KEAP1: variants seen among roughly 807,000 people sequenced by gnomAD.
The protein encoded by KEAP1 is kelch like ECH associated protein 1.
Under a neutral mutation model 59.7 loss-of-function variants are expected in KEAP1, and 26 were observed. The ratio of observed to expected loss-of-function variants is 0.44; its 90% CI spans 0.32 to 0.60. KEAP1 has a LOEUF of 0.60. Among genes scored for constraint, KEAP1 ranks in the 20% least tolerant of loss-of-function variants. The probability of loss-of-function intolerance (pLI) is 0.06; values close to 1 mark genes in which losing one functional copy is unlikely to be tolerated. For synonymous variants in KEAP1, 350 were observed against 358.3 expected (o/e 0.98, Z 0.26); for missense variants, 539 against 871.4 (o/e 0.62, Z 4.80).
chr19:10,494,952 C>T (rs1203867420), intron 2 of KEAP1, among the ~76,000 whole-genome samples: 1 of 150,146 alleles, frequency 6.7e-6, no homozygotes, highest in Non-Finnish European at 1.5e-5. Context: ...ACGCGCCCGG[C>T]CTCTTTTGTT....
intron 5 of KEAP1, 58 bp from the exon 6 acceptor site, chr19:10,486,876 G>A (rs1048499052): frequency 6.5e-7 from 1 of 1,549,278 alleles, no homozygotes; most frequent in East Asian, 2.3e-5. Flanking sequence ...AAGAGCAGGG[G>A]ACAGAAAGAG....
intron 5 of KEAP1, 49 bp downstream of exon 5, chr19:10,489,143 C>T: frequency 7.7e-7 from 1 of 1,306,064 alleles, no homozygotes; most frequent in African/African-American, 1.5e-5. Flanking sequence ...CAAAAGCAGT[C>T]CACAAAAGAT....
chr19:10,496,002 T>A (rs1461527711), intron 2 of KEAP1, among the ~76,000 whole-genome samples: 1 of 151,290 alleles, frequency 6.6e-6, no homozygotes, highest in Admixed American at 6.6e-5. Context: ...CTGGGCAACA[T>A]AGCGAGACCT....
rs746379734 is a variant in KEAP1, at chr19:10,499,419, C to T, written c.615G>A (p.Glu205=). ...CCTCCCCAAAATGCATGTAGATGTA[C>T]TCCCGGGCACGCTGGTGCAACTCCA... ...GCVELHQRAR[E]YIYMHFGEVA... Residue 205 remains glutamate, a synonymous_variant, in exon 2 of 6, where the codon GAG becomes GAA. Coordinates refer to ENST00000171111, the MANE Select transcript of KEAP1 (RefSeq NM_203500.2). This position sits in a 1 kb window ranked among gnomAD's most constrained non-coding sequence, Gnocchi z 6.7. The T allele has an allele frequency of 1.9e-6, 3 of 1,610,144 alleles. No homozygotes were observed. Among genetic ancestry groups the T allele is most frequent in the Non-Finnish European group, 1.7e-6 (2 of 1,178,458 alleles).
chr19:10,500,564 T>A (rs553716731), intron 1 of KEAP1, among the ~76,000 whole-genome samples: 79 of 151,984 alleles, frequency 5.2e-4, no homozygotes, highest in Non-Finnish European at 1.0e-3. Context: ...CTGCCAGAGC[T>A]GACAACTGCA....
intron 2 of KEAP1, 146 bp from the exon 3 acceptor site, chr19:10,492,408 T>C: frequency 1.5e-6 from 1 of 655,454 alleles, no homozygotes; most frequent in Admixed American, 2.8e-5. Flanking sequence ...AGGAACCGCG[T>C]ACATTGTGAT....
intron 2 of KEAP1, 78 bp from the exon 3 acceptor site, chr19:10,492,340 T>C (rs1369898627): frequency 1.6e-5 from 17 of 1,053,588 alleles, no homozygotes; most frequent in Non-Finnish European, 2.3e-5. Flanking sequence ...GACAAGTAAC[T>C]TATCACTGCC....
intron 2 of KEAP1, among the ~76,000 whole-genome samples, chr19:10,493,409 G>A (rs1040924004): frequency 1.3e-5 from 2 of 151,832 alleles, no homozygotes; most frequent in South Asian, 2.1e-4. Context: ...TGATCCACCC[G>A]CCTTAGCCTC....
chr19:10,489,584 C>T, intron 4 of KEAP1, 64 bp downstream of exon 4: 2 of 1,568,986 alleles, frequency 1.3e-6, no homozygotes, highest in African/African-American at 1.4e-5. Context: ...AGGCCTGGCT[C>T]AGTTTCACCC....
intron 5 of KEAP1, 124 bp downstream of exon 5, chr19:10,489,068 T>C (rs1459977972): frequency 2.5e-6 from 2 of 815,454 alleles, no homozygotes. Flanking sequence ...GCACTCCAGC[T>C]GGGCAACAGA....
chr19:10,500,561 A>G (rs1915007183), intron 1 of KEAP1, among the ~76,000 whole-genome samples: 1 of 152,178 alleles, frequency 6.6e-6, no homozygotes, highest in Non-Finnish European at 1.5e-5. Context: ...ACCCTGCCAG[A>G]GCTGACAACT....
At chr19:10,500,243 C>A (rs1158175403) in intron 1 of KEAP1, among the ~76,000 whole-genome samples, 163 bp from the exon 2 acceptor site, 5 of 152,220 alleles carry the variant, frequency 3.3e-5, no homozygotes, top group African/African-American at 1.2e-4. Flanking sequence ...CCTGATCAAC[C>A]TGATTGGCCC....
At chr19:10,489,416 G>A (rs967206059) in intron 4 of KEAP1, 48 bp from the exon 5 acceptor site, 5 of 1,569,740 alleles carry the variant, frequency 3.2e-6, no homozygotes, top group Non-Finnish European at 4.3e-6. Context: ...CTGGCTTTGG[G>A]AACCCCAGCC....
chr19:10,488,544 G>A lies in KEAP1; in HGVS notation c.1708+648C>T, dbSNP rs949996399. Reference sequence around the variant, plus strand: ...GGAGAATCACTTGAAACCAGGAGGCGGAGGTTGCAGTGAGCTGAGATCGTG... The same window carrying A: ...GGAGAATCACTTGAAACCAGGAGGCAGAGGTTGCAGTGAGCTGAGATCGTG... On this transcript the variant is annotated intron_variant, in intron 5 of 5. Transcript: ENST00000171111. 4.0e-5 allele frequency among the ~76,000 whole-genome samples: 6 copies of A among 149,760 alleles called. No homozygotes were observed. In the East Asian group the frequency reaches 1.0e-3, roughly 25 times the overall value.
rs765396915 is a variant in KEAP1 at position 10,491,819 on chromosome 19, C to T, written c.1083G>A (p.Pro361=). 2 of 1,601,808 alleles carry T rather than the reference C, an allele frequency of 1.2e-6. No individual in the cohort carries two copies. Among genetic ancestry groups the T allele is most frequent in the Non-Finnish European group, 1.7e-6 (2 of 1,174,492 alleles). Residue 361 remains proline, a synonymous_variant, in exon 3 of 6, where the codon CCG becomes CCA. Coordinates refer to ENST00000171111, the MANE Select transcript of KEAP1 (RefSeq NM_203500.2). The surrounding 1 kb of genome is among the most constrained non-coding windows in gnomAD (Gnocchi z 5.2). ...TWLRLADLQV[P]RSGLAGCVVG... is the part of the protein sequence containing the mutation. ...CCACGCAGCCGGCCAGGCCGCTCCG[C>T]GGCACCTGCAGGTCCGCCAACCGGA... is the stretch of plus-strand genomic sequence containing the variant.
chr19:10,499,266 C>T lies in KEAP1; in HGVS notation c.639+129G>A. ...CCTCAAACTGTGGAGACTACACCAC[C>T]ATACCCAGCCCAGAACCTCCTTTTT... On this transcript the variant is annotated intron_variant, in intron 2 of 5. Transcript: ENST00000171111. The surrounding 1 kb of genome is among the most constrained non-coding windows in gnomAD (Gnocchi z 6.7). 3.4e-6 allele frequency: 3 copies of T among 878,256 alleles called. No individual in the cohort carries two copies. The South Asian group carries it at 5.1e-5, about 15-fold the overall frequency. 54.4% of individuals were successfully genotyped at this position (878,256 alleles called of 1,614,324 possible).
At position 10,491,067 on chromosome 19, in the gene KEAP1, A is replaced by G. The variant is rs1914652082; in HGVS notation, c.1325+510T>C. On this transcript the variant is annotated intron_variant, in intron 3 of 5. Coordinates refer to ENST00000171111, the MANE Select transcript of KEAP1 (RefSeq NM_203500.2). The surrounding 1 kb of genome is among the most constrained non-coding windows in gnomAD (Gnocchi z 5.2). The stretch of plus-strand genomic sequence containing the variant: ...AACCCCATCTCTACAAAAAATACAA[A>G]AATTAACCAGGCGTGGTGGTGGGTA... 6.6e-6 allele frequency: 1 copy of G among 152,582 alleles called. No homozygotes were observed. The highest frequency in any genetic ancestry group is 1.5e-5 in the Non-Finnish European group (1 of 68,410). The allele number at this position is 152,582 out of a possible 1,614,324, so 9.5% of individuals were successfully genotyped here.
At chr19:10,487,269 T>C (rs938187290) in intron 5 of KEAP1, among the ~76,000 whole-genome samples, 4 of 151,842 alleles carry the variant, frequency 2.6e-5, no homozygotes, top group Non-Finnish European at 5.9e-5. Context: ...ATCAGTTGAG[T>C]CTGGGAGGCA....
intron 1 of KEAP1, 27 bp from the exon 2 acceptor site, chr19:10,500,107 G>T: frequency 6.8e-7 from 1 of 1,464,752 alleles, no homozygotes; most frequent in Non-Finnish European, 9.1e-7. Context: ...ACAGGGCAGA[G>T]GGCAGGGGTT....
Sources: gnomAD v4.1 joint callset for allele counts (sites outside exome capture counted in the v4.1 genomes callset) on GRCh38, gnomAD v4.1.1 for gene constraint, Gnocchi (gnomAD v3.1) non-coding constraint, MANE v1.5 for transcripts, NCBI Gene and HGNC (gene_info 2026-07-23, HGNC 2026-07-21) for gene names.